EDN1: variants seen among roughly 807,000 people sequenced by gnomAD.
EDN1 encodes the protein endothelin 1.
EDN1 carries 11 observed loss-of-function variants against 21.7 expected under a neutral mutation model. The ratio of observed to expected loss-of-function variants is 0.51; its 90% CI spans 0.32 to 0.84. The LOEUF is 0.84. Among genes scored for constraint, EDN1 ranks in the 40% least tolerant of loss-of-function variants. EDN1 has a pLI of 0.03. For synonymous variants in EDN1, 85 were observed against 90.6 expected (o/e 0.94, Z 0.35); for missense variants, 244 against 262.3 (o/e 0.93, Z 0.48).
Position 12,294,242 on chromosome 6 carries a change from T to A in EDN1, c.390-19T>A. 6.2e-7 allele frequency: 1 copy of A among 1,614,176 alleles called. No individual in the cohort carries two copies. Among genetic ancestry groups the A allele is most frequent in the East Asian group, 2.2e-5 (1 of 44,882 alleles). On this transcript the variant is annotated intron_variant, in intron 3 of 4. Transcript: ENST00000379375. ...GAATATAACATTGCTGAAATGTTTT[T>A]CCTTGTGTATTTTAACAGGGCTGAA...
the EDN1 span, among the ~76,000 whole-genome samples, chr6:12,256,930 C>A: frequency 6.6e-6 from 1 of 151,940 alleles, no homozygotes; most frequent in Non-Finnish European, 1.5e-5. Flanking sequence ...TCTGTACAGA[C>A]GTATTAAAGG....
intron 1 of EDN1, 149 bp downstream of exon 1, chr6:12,290,842 CT>C: frequency 1.3e-6 from 1 of 744,676 alleles, no homozygotes. Flanking sequence ...CTGAAAGCTA[CT>C]TTAAGTCTTC....
chr6:12,281,323 T>C, the EDN1 span, among the ~76,000 whole-genome samples: 2 of 152,240 alleles, frequency 1.3e-5, no homozygotes, highest in African/African-American at 4.8e-5. Flanking sequence ...GATGATACTT[T>C]GCTCTTTCCT....
chr6:12,267,894 A>G, the EDN1 span, among the ~76,000 whole-genome samples: 2 of 152,206 alleles, frequency 1.3e-5, no homozygotes, highest in South Asian at 4.1e-4. Context: ...GCCAATGCCT[A>G]TTTACCATTC....
At chr6:12,255,308 G>C in the EDN1 span, among the ~76,000 whole-genome samples, 1 of 152,092 alleles carries the variant, frequency 6.6e-6, no homozygotes, top group Non-Finnish European at 1.5e-5. Context: ...CTCAATCAGA[G>C]AGAAATAGGT....
chr6:12,281,406 A>G, the EDN1 span, among the ~76,000 whole-genome samples: 1 of 150,914 alleles, frequency 6.6e-6, no homozygotes, highest in African/African-American at 2.4e-5. Flanking sequence ...AACTTTTCCA[A>G]TTGATATGAC....
chr6:12,260,488 A>G, the EDN1 span, among the ~76,000 whole-genome samples: 2 of 152,232 alleles, frequency 1.3e-5, no homozygotes, highest in South Asian at 4.1e-4. Context: ...TTCCTGTTTT[A>G]TCAGTTTTAT....
At chr6:12,283,816 C>T in the EDN1 span, among the ~76,000 whole-genome samples, 1 of 152,230 alleles carries the variant, frequency 6.6e-6, no homozygotes, top group African/African-American at 2.4e-5. Context: ...GTAACCAAAA[C>T]ATCCTGTTAA....
At chr6:12,281,472 A>G in the EDN1 span, among the ~76,000 whole-genome samples, 1 of 127,396 alleles carries the variant, frequency 7.8e-6, no homozygotes, top group East Asian at 2.2e-4. Flanking sequence ...AGGCATCTTG[A>G]GATAAGTGGC....
Position 12,296,241 on chromosome 6 carries a change from A to T in EDN1, c.*174A>T. 1.6e-6 allele frequency: 1 copy of T among 623,370 alleles called. No individual in the cohort carries two copies. Among genetic ancestry groups the T allele is most frequent in the Non-Finnish European group, 2.9e-6 (1 of 342,002 alleles). The allele number at this position is 623,370 out of a possible 1,614,324, so 38.6% of individuals were successfully genotyped here. Reference sequence around the variant, plus strand: ...CAAGAAAGGTTAAGGAGTTCCCCCAACCATCTTCACTGGCTTCCATCAGTG... The same window carrying T: ...CAAGAAAGGTTAAGGAGTTCCCCCATCCATCTTCACTGGCTTCCATCAGTG... On this transcript the variant is annotated 3_prime_UTR_variant, in exon 5 of 5. Transcript: ENST00000379375.
chr6:12,241,804 T>G, the EDN1 span, among the ~76,000 whole-genome samples: 1 of 152,296 alleles, frequency 6.6e-6, no homozygotes, highest in South Asian at 2.1e-4. Flanking sequence ...AGTAGGTGGT[T>G]TATCTTCAGT....
the EDN1 span, among the ~76,000 whole-genome samples, chr6:12,268,931 A>T: frequency 6.6e-6 from 1 of 152,136 alleles, no homozygotes; most frequent in African/African-American, 2.4e-5. Flanking sequence ...TAGTATGGAC[A>T]TTTTAACAAT....
the EDN1 span, among the ~76,000 whole-genome samples, chr6:12,279,805 T>C: frequency 1.3e-5 from 2 of 152,144 alleles, 1 homozygote; most frequent in South Asian, 4.1e-4. Flanking sequence ...AAATCCAGCA[T>C]GAAGGCAAAC....
At chr6:12,280,745 T>C in the EDN1 span, among the ~76,000 whole-genome samples, 1 of 152,000 alleles carries the variant, frequency 6.6e-6, no homozygotes, top group East Asian at 1.9e-4. Flanking sequence ...AAGTACAAAT[T>C]AGCCAGACAT....
At position 12,292,638 on chromosome 6, in the gene EDN1, G is replaced by A; in HGVS notation, c.233+129G>A. The A allele has an allele frequency of 3.6e-6, 4 of 1,105,884 alleles. No homozygotes were observed. In the South Asian group the frequency reaches 3.9e-5, roughly 11 times the overall value. The allele number at this position is 1,105,884 out of a possible 1,614,324, so 68.5% of individuals were successfully genotyped here. A position where few individuals can be genotyped will look rare whatever the true frequency, so the allele number is the denominator to read the frequency against. ...CTAACACCATCCAAGTGCCTCAGTG[G>A]GGACAGTTTCCCTCTATTCCTGAAA... On this transcript the variant is annotated intron_variant, in intron 2 of 4. Transcript: ENST00000379375.
chr6:12,271,231 C>T, the EDN1 span, among the ~76,000 whole-genome samples: 43,907 of 151,648 alleles, frequency 0.29, 6,664 homozygotes, highest in East Asian at 0.58. Flanking sequence ...AATTGTTTTC[C>T]GGTTGTTTTG....
the EDN1 span, among the ~76,000 whole-genome samples, chr6:12,266,629 G>C: frequency 6.6e-6 from 1 of 152,222 alleles, no homozygotes; most frequent in Non-Finnish European, 1.5e-5. Flanking sequence ...CTCTTGCCTG[G>C]TGCTAAGGGA....
At chr6:12,254,042 T>C in the EDN1 span, among the ~76,000 whole-genome samples, 4 of 152,180 alleles carry the variant, frequency 2.6e-5, no homozygotes, top group Non-Finnish European at 4.4e-5. Context: ...AAATCTACTA[T>C]CCATGGGGAG....
At chr6:12,250,051 A>C in the EDN1 span, among the ~76,000 whole-genome samples, 1 of 152,084 alleles carries the variant, frequency 6.6e-6, no homozygotes, top group African/African-American at 2.4e-5. Flanking sequence ...GGATTATGTA[A>C]GGGGTTATAA....
Sources: gnomAD v4.1 joint callset for allele counts (sites outside exome capture counted in the v4.1 genomes callset) on GRCh38, gnomAD v4.1.1 for gene constraint, MANE v1.5 for transcripts, NCBI Gene and HGNC (gene_info 2026-07-23, HGNC 2026-07-21) for gene names.